ZNF33A: variants seen among roughly 807,000 people sequenced by gnomAD.
The protein encoded by ZNF33A is brain my041 protein.
ZNF33A carries 9 observed loss-of-function variants against 15.9 expected under a neutral mutation model. That is an observed-to-expected ratio of 0.57 (90% confidence interval 0.34 to 0.99). The LOEUF is 0.99. Ranked by LOEUF, ZNF33A falls within the 50% of genes least tolerant of loss-of-function variation. ZNF33A has a pLI of 0.02. For synonymous variants in ZNF33A, 294 were observed against 324.2 expected, an observed-to-expected ratio of 0.91 and a Z score of 1.00; for missense variants, 843 against 941.6, an observed-to-expected ratio of 0.90 and a Z score of 1.37.
Position 38,016,037 on chromosome 10 carries a change from T to A in ZNF33A, c.10-834T>A, listed in dbSNP as rs76312132. 1.9e-3 allele frequency: 2,351 copies of A among 1,229,342 alleles called. 11 individuals carry two copies. In the East Asian group the frequency reaches 0.02, roughly 11 times the overall value. 76.2% of individuals were successfully genotyped at this position (1,229,342 alleles called of 1,614,324 possible). The stretch of plus-strand genomic sequence containing the variant: ...CAATTGGATGTCTTCTCCGCTGTAC[T>A]CCACAGAGGTTTCAAATATAATGGT... On this transcript the variant is annotated intron_variant, in intron 2 of 4. Coordinates refer to ENST00000432900, the MANE Select transcript of ZNF33A (RefSeq NM_006954.2).
chr10:38,043,706 AAT>A (rs2065817911), intron 4 of ZNF33A, among the ~76,000 whole-genome samples: 1 of 152,218 alleles, frequency 6.6e-6, no homozygotes, highest in East Asian at 1.9e-4. Context: ...TCAGTCACTG[AAT>A]ATGTCATCCT....
At chr10:38,065,805 G>C (rs1181609130), downstream of ZNF33A, among the ~76,000 whole-genome samples, 10 of 151,986 alleles carry the variant, frequency 6.6e-5, no homozygotes, top group Non-Finnish European at 1.3e-4. Flanking sequence ...CCGCCAACCG[G>C]GTTCAAGCAA....
intron 4 of ZNF33A, among the ~76,000 whole-genome samples, chr10:38,042,739 G>A (rs973040252): frequency 6.6e-5 from 10 of 151,958 alleles, no homozygotes; most frequent in Non-Finnish European, 1.5e-5. Flanking sequence ...ATTTTTTAGA[G>A]ATGGTGTCTC....
At chr10:38,030,447 G>T (rs2065165358) in intron 4 of ZNF33A, among the ~76,000 whole-genome samples, 1 of 152,174 alleles carries the variant, frequency 6.6e-6, no homozygotes, top group Admixed American at 6.5e-5. Flanking sequence ...TGAATCTCAA[G>T]AGATTAAGCT....
chr10:38,064,200 A>G (rs2066688608), downstream of ZNF33A: 3 of 1,331,430 alleles, frequency 2.3e-6, no homozygotes, highest in Non-Finnish European at 3.1e-6. Context: ...CTTCTTCCAA[A>G]CTACCTTCCC....
intron 4 of ZNF33A, among the ~76,000 whole-genome samples, chr10:38,038,091 G>A (rs536050013): frequency 9.9e-5 from 15 of 152,114 alleles, no homozygotes; most frequent in Admixed American, 7.2e-4. Flanking sequence ...AAAGTTATAA[G>A]TATTTTATTC....
At position 38,052,896 on chromosome 10, in the gene ZNF33A, C is replaced by A. The variant is rs531283602; in HGVS notation, c.251-1479C>A. On this transcript the variant is annotated intron_variant, in intron 4 of 4. Transcript: ENST00000432900. ...GTGGATCAGGTCTTTTATTTTTGGA[C>A]AGTTTTCTTAGATTATACTTTTTAA... is the stretch of plus-strand genomic sequence containing the variant. Among the ~76,000 whole-genome samples the A allele has an allele frequency of 1.2e-4, 18 of 151,786 alleles. No homozygotes were observed. The South Asian group carries it at 3.5e-3, about 30-fold the overall frequency.
chr10:38,059,308 A>G lies in ZNF33A; in HGVS notation c.*2748A>G, dbSNP rs564626284. On this transcript the variant is annotated 3_prime_UTR_variant, in exon 5 of 5. Transcript: ENST00000432900. ...TCCTACTAAGATCAGGAACATGGCA[A>G]GGAACACCACACCACTGCTTTTCAG... The G allele has an allele frequency of 2.6e-5, 4 of 152,128 alleles. No homozygotes were observed. Among genetic ancestry groups the G allele is most frequent in the Admixed American group, 1.3e-4 (2 of 15,156 alleles). The allele number at this position is 152,128 out of a possible 1,614,324, so 9.4% of individuals were successfully genotyped here.
downstream of ZNF33A, chr10:38,064,041 G>A (rs74135616): frequency 8.0e-3 from 12,598 of 1,576,808 alleles, 836 homozygotes; most frequent in African/African-American, 0.15. Context: ...TCAACCCTAC[G>A]ACAGACATTT....
intron 4 of ZNF33A, among the ~76,000 whole-genome samples, chr10:38,023,036 C>T (rs1021896397): frequency 2.0e-5 from 3 of 151,966 alleles, no homozygotes; most frequent in African/African-American, 7.3e-5. Context: ...ACCTCTGCCT[C>T]CCGGGTTCAG....
chr10:38,046,068 C>T (rs1442192925), intron 4 of ZNF33A, among the ~76,000 whole-genome samples: 1 of 152,176 alleles, frequency 6.6e-6, no homozygotes, highest in Non-Finnish European at 1.5e-5. Context: ...TATTCTCAGA[C>T]TGCCATGACT....
rs1444927142 is a variant in ZNF33A at position 38,058,187 on chromosome 10, A to C, written c.*1627A>C. 7 of 498,650 alleles carry C rather than the reference A, an allele frequency of 1.4e-5. No individual in the cohort carries two copies. Among genetic ancestry groups the C allele is most frequent in the Non-Finnish European group, 1.8e-5 (7 of 385,400 alleles). The allele number at this position is 498,650 out of a possible 1,614,324, so 30.9% of individuals were successfully genotyped here. On this transcript the variant is annotated 3_prime_UTR_variant, in exon 5 of 5. Transcript: ENST00000432900. The stretch of plus-strand genomic sequence containing the variant: ...TGAAATTGAAAAGAGAAAATCGATA[A>C]AACCCAAAACTGGTTCCTTGAAAAG...
chr10:38,037,834 G>T (rs1415008915), intron 4 of ZNF33A, among the ~76,000 whole-genome samples: 2 of 152,022 alleles, frequency 1.3e-5, no homozygotes, highest in Admixed American at 1.3e-4. Context: ...TCTTTTTTAA[G>T]ATTGTTTTGA....
At chr10:38,060,550 G>A (rs1034450882), downstream of ZNF33A, among the ~76,000 whole-genome samples, 2 of 152,136 alleles carry the variant, frequency 1.3e-5, no homozygotes, top group African/African-American at 2.4e-5. Context: ...TCACCTTTCT[G>A]AGAGTTGGTG....
Position 38,010,754 on chromosome 10 carries a change from A to G in ZNF33A, c.-74A>G, listed in dbSNP as rs1251164404. ...ATTTCAAGGGTCTACGCGCTTTTCT[A>G]TGGCGAATGCAACCCGACGAGGGAG... On this transcript the variant is annotated 5_prime_UTR_variant, in exon 1 of 5. An upstream start codon of the reference 5' UTR is lost. Transcript: ENST00000432900. The G allele has an allele frequency of 6.3e-7, 1 of 1,598,250 alleles. No homozygotes were observed. Among genetic ancestry groups the G allele is most frequent in the African/African-American group, 1.3e-5 (1 of 74,982 alleles).
chr10:38,047,616 C>T (rs1260790567), intron 4 of ZNF33A, among the ~76,000 whole-genome samples: 2 of 105,648 alleles, frequency 1.9e-5, no homozygotes, highest in East Asian at 3.2e-4. Flanking sequence ...TAGAGCAAGA[C>T]TCTGTCTCAA....
rs185128337 is a variant in ZNF33A, at chr10:38,017,589, T to A, written c.250+203T>A. ...AATTCCTCCTTTTTGAATCGTTTTTTGAATGTTTACTATTCTTACACCTGC... is the reference window on the plus strand; with the variant it reads ...AATTCCTCCTTTTTGAATCGTTTTTAGAATGTTTACTATTCTTACACCTGC... On this transcript the variant is annotated intron_variant, in intron 4 of 4. Coordinates refer to ENST00000432900, the MANE Select transcript of ZNF33A (RefSeq NM_006954.2). 3.2e-4 allele frequency: 132 copies of A among 410,224 alleles called. 1 individual carries two copies. The highest frequency in any genetic ancestry group is 2.5e-3 in the African/African-American group (122 of 48,746). 25.4% of individuals were successfully genotyped at this position (410,224 alleles called of 1,614,324 possible). A position where few individuals can be genotyped will look rare whatever the true frequency, so the allele number is the denominator to read the frequency against.
chr10:38,061,612 A>G (rs1367000125), downstream of ZNF33A, among the ~76,000 whole-genome samples: 2 of 152,050 alleles, frequency 1.3e-5, no homozygotes, highest in African/African-American at 2.4e-5. Context: ...GTGACATCCA[A>G]TATGCTTTGA....
chr10:38,021,097 T>A (rs1385652481), intron 4 of ZNF33A, among the ~76,000 whole-genome samples: 1 of 152,180 alleles, frequency 6.6e-6, no homozygotes, highest in Non-Finnish European at 1.5e-5. Flanking sequence ...TAAAAATGTT[T>A]TCTTAGGAAA....
Sources: allele counts gnomAD v4.1 joint callset (sites outside exome capture counted in the v4.1 genomes callset), GRCh38; gene constraint gnomAD v4.1.1; transcripts MANE v1.5; gene names NCBI Gene and HGNC (gene_info 2026-07-23, HGNC 2026-07-21).